DPP6: variants seen among roughly 807,000 people sequenced by gnomAD.
DPP6 encodes the protein A-type potassium channel modulatory protein DPP6.
Under a neutral mutation model 122.6 loss-of-function variants are expected in DPP6, and 69 were observed. The observed-to-expected ratio is 0.56, with a 90% CI of 0.46 to 0.69. The LOEUF (loss-of-function observed/expected upper bound fraction) is 0.69, where lower values mean the gene tolerates loss of function less well. Ranked by LOEUF, DPP6 falls within the 30% of genes least tolerant of loss-of-function variation. DPP6 has a pLI of 0.00. For synonymous variants in DPP6, 418 were observed against 433.1 expected, an observed-to-expected ratio of 0.97 and a Z score of 0.43; for missense variants, 928 against 1,116.9, an observed-to-expected ratio of 0.83 and a Z score of 2.41.
intron 1 of DPP6, among the ~76,000 whole-genome samples, chr7:154,321,784 C>CAAAA (rs1180440495): frequency 1.6e-5 from 1 of 63,024 alleles, no homozygotes; most frequent in Non-Finnish European, 3.6e-5. Flanking sequence ...GACTCTGTCT[C>CAAAA]AAAAAAAAAA....
intron 1 of DPP6, among the ~76,000 whole-genome samples, chr7:154,386,435 G>A (rs191428635): frequency 6.6e-6 from 1 of 152,180 alleles, no homozygotes; most frequent in Non-Finnish European, 1.5e-5. Context: ...GATTTGGGGG[G>A]TGTGCAAGAG....
At chr7:154,058,505 G>C (rs1197839837) in intron 1 of DPP6, 8 of 142,496 alleles carry the variant, frequency 5.6e-5, no homozygotes, top group Admixed American at 5.5e-4. Flanking sequence ...CCGCGAGGCA[G>C]GGACTGAGAG....
intron 4 of DPP6, among the ~76,000 whole-genome samples, chr7:154,541,580 A>T (rs1389306855): frequency 1.3e-5 from 2 of 152,234 alleles, no homozygotes; most frequent in African/African-American, 4.8e-5. Flanking sequence ...TCTTATTAGA[A>T]TAAATAAATC....
the DPP6 span, among the ~76,000 whole-genome samples, chr7:153,797,641 C>A: frequency 6.6e-6 from 1 of 152,156 alleles, no homozygotes; most frequent in East Asian, 1.9e-4. Flanking sequence ...GCTTGGGTTG[C>A]TGTAACCAAC....
At position 154,427,056 on chromosome 7, in the gene DPP6, T is replaced by C. The variant is rs370071736; in HGVS notation, c.244-19158T>C. On this transcript the variant is annotated intron_variant, in intron 1 of 25. Coordinates refer to ENST00000377770, the MANE Select transcript of DPP6 (RefSeq NM_130797.4). ...GAAATAATTTTGGTGAGCGTGTCTA[T>C]GCACACAGAAATAGCTACTAAGATC... Among the ~76,000 whole-genome samples, 4 of 152,294 alleles carry C rather than the reference T, an allele frequency of 2.6e-5. No homozygotes were observed. In the South Asian group the frequency reaches 6.2e-4, roughly 24 times the overall value.
At chr7:154,415,229 C>T (rs189337105) in intron 1 of DPP6, among the ~76,000 whole-genome samples, 3 of 152,224 alleles carry the variant, frequency 2.0e-5, no homozygotes, top group African/African-American at 7.2e-5. Context: ...AAGACTCATC[C>T]CTGGTTGAGT....
chr7:154,792,588 G>A (rs1428342107), intron 10 of DPP6, among the ~76,000 whole-genome samples: 1 of 152,210 alleles, frequency 6.6e-6, no homozygotes, highest in Non-Finnish European at 1.5e-5. Context: ...ACCTGTCAGT[G>A]CCAGGGCCAG....
chr7:154,718,519 G>T (rs375003909), intron 7 of DPP6, among the ~76,000 whole-genome samples: 259 of 151,552 alleles, frequency 1.7e-3, no homozygotes, highest in African/African-American at 5.7e-3. Flanking sequence ...TCAGCCCTTT[G>T]CTCTGAGTTT....
At chr7:154,316,058 C>G (rs1585914374) in intron 1 of DPP6, among the ~76,000 whole-genome samples, 1 of 152,190 alleles carries the variant, frequency 6.6e-6, no homozygotes, top group East Asian at 1.9e-4. Flanking sequence ...GAGTTATACA[C>G]AAAGTTGAGG....
intron 1 of DPP6, among the ~76,000 whole-genome samples, chr7:154,062,613 G>C (rs1434112418): frequency 1.1e-4 from 2 of 18,302 alleles, no homozygotes; most frequent in Non-Finnish European, 1.9e-4. Flanking sequence ...CCAACCCCTG[G>C]TTCCCCCACT....
rs140013644 is a variant in DPP6 at position 153,929,636 on chromosome 7, G to C, written c.51+41902G>C. Among the ~76,000 whole-genome samples, 88 of 152,210 alleles carry C rather than the reference G, an allele frequency of 5.8e-4. 1 individual carries two copies. In the South Asian group the frequency reaches 8.1e-3, roughly 14 times the overall value. ...GCTATTGATAGCATATTTGCAAATGGCTTTGAAGAAAGACCCAGGGCACTT... is the reference window on the plus strand; with the variant it reads ...GCTATTGATAGCATATTTGCAAATGCCTTTGAAGAAAGACCCAGGGCACTT... On this transcript the variant is annotated intron_variant, in intron 1 of 25. Coordinates refer to the DPP6 transcript ENST00000404039.
At chr7:154,874,647 A>G (rs1377715220) in intron 19 of DPP6, among the ~76,000 whole-genome samples, 3 of 151,538 alleles carry the variant, frequency 2.0e-5, no homozygotes, top group African/African-American at 7.3e-5. Context: ...CCCCCACCCC[A>G]CTCCTCAGCC....
At chr7:153,767,534 A>ATTTTTT in the DPP6 span, among the ~76,000 whole-genome samples, 3 of 137,634 alleles carry the variant, frequency 2.2e-5, no homozygotes, top group Non-Finnish European at 3.1e-5. Context: ...CACCCGGTTA[A>ATTTTTT]TTTTTTTTTT....
chr7:154,720,715 C>T (rs1316840554), intron 7 of DPP6, among the ~76,000 whole-genome samples: 1 of 152,244 alleles, frequency 6.6e-6, no homozygotes, highest in Non-Finnish European at 1.5e-5. Context: ...ATTGCAGATG[C>T]AGGTACTGGC....
At chr7:153,988,417 G>A (rs1421888785) in intron 1 of DPP6, among the ~76,000 whole-genome samples, 1 of 152,148 alleles carries the variant, frequency 6.6e-6, no homozygotes, top group Non-Finnish European at 1.5e-5. Context: ...GTGTGGTGAC[G>A]TGTGTGTGCC....
At chr7:154,115,782 A>G (rs956586549) in intron 1 of DPP6, among the ~76,000 whole-genome samples, 4 of 152,190 alleles carry the variant, frequency 2.6e-5, no homozygotes, top group African/African-American at 9.7e-5. Flanking sequence ...GGACAGTACA[A>G]ACTTACAGAA....
Position 154,703,773 on chromosome 7 carries a change from A to G in DPP6, c.763-23994A>G, listed in dbSNP as rs1264645269. Among the ~76,000 whole-genome samples, 6 of 151,808 alleles carry G rather than the reference A, an allele frequency of 4.0e-5. No individual in the cohort carries two copies. The East Asian group carries it at 9.7e-4, about 25-fold the overall frequency. On this transcript the variant is annotated intron_variant, in intron 7 of 25. Coordinates refer to ENST00000377770, the MANE Select transcript of DPP6 (RefSeq NM_130797.4). ...AACACCGTGAAACCCCGTCTCTACT[A>G]AAAAATACAAAAAATTAGCAGGGCG...
chr7:154,429,053 T>G (rs1394305544), intron 1 of DPP6, among the ~76,000 whole-genome samples: 1 of 151,960 alleles, frequency 6.6e-6, no homozygotes, highest in Non-Finnish European at 1.5e-5. Context: ...CTTCCTTAGG[T>G]TTTATAGTCA....
intron 1 of DPP6, among the ~76,000 whole-genome samples, chr7:154,121,367 A>C (rs1807448892): frequency 1.3e-5 from 2 of 152,138 alleles, no homozygotes; most frequent in African/African-American, 4.8e-5. Context: ...TAGGTTGTGG[A>C]TTCGAGATCT....
Sources: allele counts gnomAD v4.1 joint callset (sites outside exome capture counted in the v4.1 genomes callset), GRCh38; gene constraint gnomAD v4.1.1; transcripts MANE v1.5; gene names NCBI Gene and HGNC (gene_info 2026-07-23, HGNC 2026-07-21).